HS3ST5: variants seen among roughly 807,000 people sequenced by gnomAD.
HS3ST5 encodes heparan sulfate glucosamine 3-O-sulfotransferase 5.
In HS3ST5, 10 loss-of-function variants were observed where a neutral mutation model predicts 25.4. That is an observed-to-expected ratio of 0.39 (90% confidence interval 0.24 to 0.67). The LOEUF (loss-of-function observed/expected upper bound fraction) is 0.67, where lower values mean the gene tolerates loss of function less well. HS3ST5 is among the 30% of genes least tolerant of loss of function. HS3ST5 has a pLI of 0.44. For missense variants in HS3ST5, 324 were observed against 420.7 expected (o/e 0.77, Z 2.01); for synonymous variants, 170 against 162.4 (o/e 1.05, Z -0.36).
chr6:114,165,743 C>A (rs751353305), intron 3 of HS3ST5, among the ~76,000 whole-genome samples: 1 of 152,118 alleles, frequency 6.6e-6, no homozygotes, highest in African/African-American at 2.4e-5. Context: ...ATTAGACTTG[C>A]GCCGGAAATT....
intron 1 of HS3ST5, among the ~76,000 whole-genome samples, chr6:114,316,908 G>A (rs1028160699): frequency 2.6e-5 from 4 of 151,754 alleles, no homozygotes; most frequent in Non-Finnish European, 5.9e-5. Flanking sequence ...AATGTTTTTT[G>A]TTTGGTAGGT....
chr6:114,086,695 A>G (rs1774851325), intron 3 of HS3ST5, among the ~76,000 whole-genome samples: 1 of 152,204 alleles, frequency 6.6e-6, no homozygotes. Flanking sequence ...TAATGCAGGC[A>G]TATTTCCCTA....
chr6:114,131,600 TA>T (rs1777336816), intron 3 of HS3ST5, among the ~76,000 whole-genome samples: 1 of 152,178 alleles, frequency 6.6e-6, no homozygotes, highest in Non-Finnish European at 1.5e-5. Context: ...ATTTGAAATT[TA>T]AAAAAATTTC....
intron 1 of HS3ST5, among the ~76,000 whole-genome samples, chr6:114,318,721 T>A (rs1234694616): frequency 6.6e-6 from 1 of 152,140 alleles, no homozygotes; most frequent in East Asian, 1.9e-4. Flanking sequence ...CCACTTGACC[T>A]CTCACTACCT....
At chr6:114,297,442 G>A (rs1774875351) in intron 1 of HS3ST5, among the ~76,000 whole-genome samples, 1 of 152,268 alleles carries the variant, frequency 6.6e-6, no homozygotes, top group East Asian at 1.9e-4. Flanking sequence ...ACAGGAAGAG[G>A]AACAAGATTG....
At chr6:114,229,307 A>C (rs575698203) in intron 1 of HS3ST5, among the ~76,000 whole-genome samples, 54 of 152,344 alleles carry the variant, frequency 3.5e-4, no homozygotes, top group African/African-American at 1.3e-3. Context: ...AAATTCTAGA[A>C]TCTTTGTTGG....
At chr6:114,222,231 A>C (rs1255457082) in intron 2 of HS3ST5, among the ~76,000 whole-genome samples, 1 of 151,826 alleles carries the variant, frequency 6.6e-6, no homozygotes, top group Non-Finnish European at 1.5e-5. Context: ...TTTATACCTT[A>C]TTGTAGTCCA....
rs560686155 is a variant in HS3ST5, at chr6:114,286,000, G to T, written c.-339+56195C>A. Among the ~76,000 whole-genome samples, 6 of 151,674 alleles carry T rather than the reference G, an allele frequency of 4.0e-5. No homozygotes were observed. In the South Asian group the frequency reaches 1.2e-3, roughly 32 times the overall value. ...TATTAAAAAAAATCGAAATATACAC[G>T]TATGGAAAGATAATGAAAAGATATA... On this transcript the variant is annotated intron_variant, in intron 1 of 4. Transcript: ENST00000312719.
chr6:114,189,631 ATAATTT>A (rs1291505439), intron 2 of HS3ST5, among the ~76,000 whole-genome samples: 1 of 152,066 alleles, frequency 6.6e-6, no homozygotes, highest in African/African-American at 2.4e-5. Context: ...TTCCTCTATT[ATAATTT>A]TAATTTCCAT....
At chr6:114,173,880 A>G (rs1779591436) in intron 2 of HS3ST5, among the ~76,000 whole-genome samples, 1 of 152,070 alleles carries the variant, frequency 6.6e-6, no homozygotes, top group Non-Finnish European at 1.5e-5. Flanking sequence ...AACAAAAACA[A>G]AAACAAGCAA....
intron 3 of HS3ST5, among the ~76,000 whole-genome samples, chr6:114,072,697 C>T (rs560835177): frequency 4.6e-5 from 7 of 152,034 alleles, no homozygotes; most frequent in Non-Finnish European, 8.8e-5. Context: ...GAATCAATAT[C>T]GTGAAAATGG....
intron 3 of HS3ST5, among the ~76,000 whole-genome samples, chr6:114,149,627 GC>G (rs1484113524): frequency 6.6e-6 from 1 of 152,080 alleles, no homozygotes; most frequent in Non-Finnish European, 1.5e-5. Flanking sequence ...AATACCTAAT[GC>G]ATGTGGGGCT....
At chr6:114,120,225 T>C (rs1041178948) in intron 3 of HS3ST5, among the ~76,000 whole-genome samples, 1 of 152,066 alleles carries the variant, frequency 6.6e-6, no homozygotes, top group Admixed American at 6.6e-5. Context: ...CCCAGTAGCA[T>C]TTATTAAATA....
At chr6:114,076,350 G>A (rs1056026028) in intron 3 of HS3ST5, among the ~76,000 whole-genome samples, 3 of 152,162 alleles carry the variant, frequency 2.0e-5, no homozygotes, top group African/African-American at 7.2e-5. Context: ...AAAAATGAAT[G>A]TTCTTATAAT....
chr6:114,205,012 C>T (rs1781208143), intron 2 of HS3ST5, among the ~76,000 whole-genome samples: 1 of 152,114 alleles, frequency 6.6e-6, no homozygotes, highest in African/African-American at 2.4e-5. Flanking sequence ...ATGCTCACGG[C>T]CTTTTCTTGA....
chr6:114,098,288 T>C (rs2114813351), intron 3 of HS3ST5, among the ~76,000 whole-genome samples: 1 of 151,962 alleles, frequency 6.6e-6, no homozygotes, highest in East Asian at 1.9e-4. Context: ...TTCAACCTGG[T>C]AACTGAAGTT....
At chr6:114,088,489 C>A (rs1437854428) in intron 3 of HS3ST5, among the ~76,000 whole-genome samples, 1 of 151,826 alleles carries the variant, frequency 6.6e-6, no homozygotes, top group African/African-American at 2.4e-5. Flanking sequence ...CCTCTGATCC[C>A]ACTAATGGAA....
Position 114,075,126 on chromosome 6 carries a change from C to T in HS3ST5, c.-32-12249G>A, listed in dbSNP as rs533392739. On this transcript the variant is annotated intron_variant, in intron 3 of 4. Coordinates refer to ENST00000312719, the MANE Select transcript of HS3ST5 (RefSeq NM_153612.4). ...TGGACAACAGACACAGATTCTGCCT[C>T]ATTACTTTTGTAGTTTTCTAGTGTT... 3.5e-4 allele frequency among the ~76,000 whole-genome samples: 54 copies of T among 152,332 alleles called. 1 individual carries two copies. Among genetic ancestry groups the T allele is most frequent in the Middle Eastern group, 3.4e-3 (1 of 294 alleles).
At chr6:114,279,149 T>TA (rs59370388) in intron 1 of HS3ST5, among the ~76,000 whole-genome samples, 10 of 152,096 alleles carry the variant, frequency 6.6e-5, no homozygotes, top group Admixed American at 3.9e-4. Context: ...TCGTATTTTT[T>TA]AAAAAAAATC....
Sources: allele counts gnomAD v4.1 joint callset (sites outside exome capture counted in the v4.1 genomes callset), GRCh38; gene constraint gnomAD v4.1.1; transcripts MANE v1.5; gene names NCBI Gene and HGNC (gene_info 2026-07-23, HGNC 2026-07-21).